Variants in WASHC5 observed in about 807,000 individuals in gnomAD.
The protein encoded by WASHC5 is WASH complex subunit strumpellin.
WASHC5 carries 101 observed loss-of-function variants against 150.4 expected under a neutral mutation model. That is an observed-to-expected ratio of 0.67 (90% CI 0.57 to 0.79). The LOEUF is 0.79. WASHC5 is among the 30% of genes least tolerant of loss of function. The pLI is 0.00. For synonymous variants in WASHC5, 467 were observed against 491.2 expected (o/e 0.95, Z 0.65); for missense variants, 1,195 against 1,396.3 (o/e 0.86, Z 2.30).
At chr8:125,031,440 T>C (rs994029951) in intron 27 of WASHC5, among the ~76,000 whole-genome samples, 15 of 151,922 alleles carry the variant, frequency 9.9e-5, no homozygotes, top group African/African-American at 3.4e-4. Flanking sequence ...CTACATGTGG[T>C]TAATTTTTGT....
intron 23 of WASHC5, among the ~76,000 whole-genome samples, chr8:125,040,102 G>A (rs1420946891): frequency 6.6e-6 from 1 of 152,156 alleles, no homozygotes; most frequent in Non-Finnish European, 1.5e-5. Flanking sequence ...GGAATGTCTG[G>A]ATGGATTCCC....
At chr8:125,089,735 GA>G (rs1335143396) in intron 1 of WASHC5, among the ~76,000 whole-genome samples, 1 of 152,182 alleles carries the variant, frequency 6.6e-6, no homozygotes, top group Non-Finnish European at 1.5e-5. Flanking sequence ...CTGGGATAAC[GA>G]CAGAGATCAA....
chr8:125,061,307 G>T, intron 11 of WASHC5, 113 bp from the exon 12 acceptor site: 2 of 659,452 alleles, frequency 3.0e-6, no homozygotes, highest in Admixed American at 2.4e-5. Context: ...TTAACCGTGG[G>T]CCTAACACTA....
At position 125,049,185 on chromosome 8, in the gene WASHC5, G is replaced by C; in HGVS notation, c.2200C>G (p.Pro734Ala). Residue 734 changes from proline (P) to alanine (A), a missense_variant and splice_region_variant, in exon 19 of 29, where the codon CCA (proline) becomes GCA (alanine). By Grantham distance (27) the Pro-to-Ala change is conservative (BLOSUM62 -1). Transcript: ENST00000318410. ...TTCAGCTTGGGCATCAATTCACTTG[G>C]CTGTGGAAAAGGGGAAACATAAAGC... ...RGLIFNPRAK[P>A]SELMPKLKEL... is the part of the protein sequence containing the mutation. 3 of 1,614,074 alleles carry C rather than the reference G, an allele frequency of 1.9e-6. No individual in the cohort carries two copies. The South Asian group carries it at 3.3e-5, about 18-fold the overall frequency.
At chr8:125,066,006 T>C (rs1158804664) in intron 10 of WASHC5, among the ~76,000 whole-genome samples, 1 of 152,194 alleles carries the variant, frequency 6.6e-6, no homozygotes, top group African/African-American at 2.4e-5. Context: ...TCTTTCCTGT[T>C]TTCTCATCTT....
In WASHC5 at chr8:125,033,553, CT is replaced by C. The variant is rs113736246; in HGVS notation, c.3182-1160del. On this transcript the variant is annotated intron_variant, in intron 26 of 28. Coordinates refer to ENST00000318410, the MANE Select transcript of WASHC5 (RefSeq NM_014846.4). ...GTGACCTTGAAGAAGGCAGAGATTTCTTTTTTTTTTTTTTGAGACGGAGCTC... is the reference window on the plus strand; with the variant it reads ...GTGACCTTGAAGAAGGCAGAGATTTCTTTTTTTTTTTTTGAGACGGAGCTC... Among the ~76,000 whole-genome samples the C allele has an allele frequency of 6.3e-3, 906 of 143,034 alleles. 6 individuals carry two copies. The highest frequency in any genetic ancestry group is 5.0e-3 in the Non-Finnish European group (321 of 64,708). 93.8% of individuals were successfully genotyped at this position (143,034 alleles called of 152,430 possible). A position where few individuals can be genotyped will look rare whatever the true frequency, so the allele number is the denominator to read the frequency against.
chr8:125,040,376 G>T (rs1043665096), intron 23 of WASHC5, among the ~76,000 whole-genome samples: 2 of 152,100 alleles, frequency 1.3e-5, no homozygotes, highest in Non-Finnish European at 2.9e-5. Context: ...TGCCACTCAG[G>T]ATTATAGGTT....
At chr8:125,063,733 C>G (rs1271273524) in intron 10 of WASHC5, 82 bp from the exon 11 acceptor site, 2 of 1,283,176 alleles carry the variant, frequency 1.6e-6, no homozygotes, top group African/African-American at 1.5e-5. Flanking sequence ...TGAGGAAACC[C>G]AATTTAAATT....
chr8:125,063,234 CTT>C (rs1345972562), intron 11 of WASHC5, among the ~76,000 whole-genome samples: 4 of 152,126 alleles, frequency 2.6e-5, no homozygotes, highest in East Asian at 1.9e-4. Flanking sequence ...TCTCTAAACT[CTT>C]GTCTATGAAC....
intron 26 of WASHC5, among the ~76,000 whole-genome samples, chr8:125,035,385 G>T (rs1300553954): frequency 6.6e-6 from 1 of 152,164 alleles, no homozygotes; most frequent in East Asian, 1.9e-4. Context: ...ATTCTTTAAT[G>T]AAAAGAAGGT....
chr8:125,085,099 T>C (rs1348107794), intron 1 of WASHC5, among the ~76,000 whole-genome samples: 1 of 152,212 alleles, frequency 6.6e-6, no homozygotes, highest in Non-Finnish European at 1.5e-5. Flanking sequence ...CAAGAGGTGA[T>C]GTCTGTCCTC....
intron 1 of WASHC5, among the ~76,000 whole-genome samples, chr8:125,087,395 C>T (rs1563639563): frequency 6.6e-6 from 1 of 152,036 alleles, no homozygotes; most frequent in Admixed American, 6.6e-5. Context: ...CACTAGAAGT[C>T]GGTGAGGGAA....
intron 26 of WASHC5, among the ~76,000 whole-genome samples, chr8:125,035,604 T>C (rs1815680657): frequency 6.6e-6 from 1 of 152,200 alleles, no homozygotes; most frequent in Non-Finnish European, 1.5e-5. Context: ...CAAAGTCACA[T>C]AGGTGATAAG....
At chr8:125,084,421 G>T (rs569713163) in intron 1 of WASHC5, among the ~76,000 whole-genome samples, 55 of 152,310 alleles carry the variant, frequency 3.6e-4, no homozygotes, top group African/African-American at 1.3e-3. Flanking sequence ...ACATCATTTT[G>T]AGGCATTTGT....
intron 5 of WASHC5, 93 bp downstream of exon 5, chr8:125,081,568 A>G (rs1156784073): frequency 5.0e-6 from 4 of 800,360 alleles, no homozygotes; most frequent in Non-Finnish European, 8.9e-6. Context: ...CTATTCTTGG[A>G]TTACTGCTGT....
At position 125,083,394 on chromosome 8, in the gene WASHC5, G is replaced by A. The variant is rs1400560989; in HGVS notation, c.187-136C>T. 6 of 760,226 alleles carry A rather than the reference G, an allele frequency of 7.9e-6. No individual in the cohort carries two copies. The Admixed American group carries it at 1.4e-4, about 17-fold the overall frequency. The allele number at this position is 760,226 out of a possible 1,614,324, so 47.1% of individuals were successfully genotyped here. A position where few individuals can be genotyped will look rare whatever the true frequency, so the allele number is the denominator to read the frequency against. The stretch of plus-strand genomic sequence containing the variant: ...AAGCAGAGCAACAGAAAGTAGTGAA[G>A]ATAATAGAAGCCTAGATATAAAATC... On this transcript the variant is annotated intron_variant, in intron 2 of 28. Transcript: ENST00000318410.
intron 5 of WASHC5, among the ~76,000 whole-genome samples, 194 bp from the exon 6 acceptor site, chr8:125,079,124 A>ATATG (rs1055867223): frequency 1.1e-4 from 13 of 116,676 alleles, no homozygotes; most frequent in African/African-American, 4.7e-4. Flanking sequence ...GTGTATATAT[A>ATATG]TATATATATA....
chr8:125,076,343 C>T lies in WASHC5; in HGVS notation c.864+5G>A, dbSNP rs772529893. The T allele has an allele frequency of 6.2e-7, 1 of 1,613,722 alleles. No homozygotes were observed. Among genetic ancestry groups the T allele is most frequent in the Admixed American group, 1.7e-5 (1 of 60,006 alleles). ...CTGTAGAGGAAAAAAATTAGCAATA[C>T]TTGCCCAATTATCTGGAAAGTATTT... On this transcript the variant is annotated splice_donor_5th_base_variant and intron_variant, in intron 7 of 28. Coordinates refer to ENST00000318410, the MANE Select transcript of WASHC5 (RefSeq NM_014846.4).
At chr8:125,046,790 C>T (rs922382452) in intron 20 of WASHC5, among the ~76,000 whole-genome samples, 5 of 151,578 alleles carry the variant, frequency 3.3e-5, no homozygotes, top group African/African-American at 9.7e-5. Flanking sequence ...GACAGGGGGG[C>T]GGGGGAGAGA....
Sources: allele counts gnomAD v4.1 joint callset (sites outside exome capture counted in the v4.1 genomes callset), GRCh38; gene constraint gnomAD v4.1.1; transcripts MANE v1.5; gene names NCBI Gene and HGNC (gene_info 2026-07-23, HGNC 2026-07-21).